The following TENM2 variants were observed in gnomAD, a reference collection of about 807,000 sequenced individuals.
TENM2 encodes teneurin-2.
Under a neutral mutation model 245.2 loss-of-function variants are expected in TENM2, and 52 were observed. The observed-to-expected ratio is 0.21, with a 90% CI of 0.17 to 0.27. The LOEUF is 0.27. TENM2 is among the 10% of genes least tolerant of loss of function. The probability of loss-of-function intolerance (pLI) is 1.00; values close to 1 mark genes in which losing one functional copy is unlikely to be tolerated. For missense variants in TENM2, 3,046 were observed against 3,666.8 expected, an observed-to-expected ratio of 0.83 and a Z score of 4.37; for synonymous variants, 1,363 against 1,438.9, an observed-to-expected ratio of 0.95 and a Z score of 1.19.
chr5:168,128,405 A>G (rs1796006993), intron 12 of TENM2, among the ~76,000 whole-genome samples: 1 of 152,160 alleles, frequency 6.6e-6, no homozygotes. Context: ...ATTTACATGA[A>G]GATTCCCCTC....
chr5:168,156,266 A>AAAAAAAC (rs1554210115), intron 12 of TENM2, among the ~76,000 whole-genome samples: 20 of 148,468 alleles, frequency 1.3e-4, no homozygotes, highest in African/African-American at 4.7e-4. Flanking sequence ...AAAAAAAAAA[A>AAAAAAAC]CACTTTTTTT....
chr5:168,239,929 A>C (rs1765934690), intron 25 of TENM2, among the ~76,000 whole-genome samples: 1 of 152,068 alleles, frequency 6.6e-6, no homozygotes. Context: ...AAAAATCAAA[A>C]ATCCACAGCT....
intron 4 of TENM2, among the ~76,000 whole-genome samples, chr5:167,962,399 A>G (rs1428659029): frequency 3.3e-5 from 5 of 152,222 alleles, no homozygotes; most frequent in Non-Finnish European, 7.3e-5. Flanking sequence ...AATCCAGCAC[A>G]AGGTGCAAAA....
intron 2 of TENM2, among the ~76,000 whole-genome samples, chr5:167,406,291 T>G (rs2127395127): frequency 6.6e-6 from 1 of 152,320 alleles, no homozygotes; most frequent in African/African-American, 2.4e-5. Flanking sequence ...CAGCTGCTGC[T>G]TCTTTACAGC....
At chr5:167,718,302 A>G (rs918678488) in intron 2 of TENM2, among the ~76,000 whole-genome samples, 4 of 152,118 alleles carry the variant, frequency 2.6e-5, no homozygotes, top group African/African-American at 9.7e-5. Flanking sequence ...TGGTGTAGAA[A>G]GGATGTGCTG....
At chr5:166,989,686 C>T in the TENM2 span, among the ~76,000 whole-genome samples, 1 of 151,582 alleles carries the variant, frequency 6.6e-6, no homozygotes, top group African/African-American at 2.4e-5. Flanking sequence ...GCCACTGCAC[C>T]TGGCCTACCC....
At chr5:167,483,436 G>T (rs1215993259) in intron 2 of TENM2, among the ~76,000 whole-genome samples, 3 of 152,206 alleles carry the variant, frequency 2.0e-5, no homozygotes, top group Non-Finnish European at 2.9e-5. Flanking sequence ...GTGGGTATGT[G>T]TGTGTGCACA....
chr5:168,057,986 G>A (rs926556845), intron 6 of TENM2, among the ~76,000 whole-genome samples: 1 of 152,124 alleles, frequency 6.6e-6, no homozygotes, highest in Non-Finnish European at 1.5e-5. Context: ...TGGATGTACA[G>A]CATCAGCAGG....
At chr5:167,387,454 T>A (rs1462754594) in intron 2 of TENM2, among the ~76,000 whole-genome samples, 2 of 152,156 alleles carry the variant, frequency 1.3e-5, no homozygotes, top group African/African-American at 2.4e-5. Context: ...AACAATCATA[T>A]CATCAGCAAA....
intron 7 of TENM2, among the ~76,000 whole-genome samples, chr5:168,076,807 A>T (rs1278928078): frequency 2.0e-5 from 3 of 152,196 alleles, no homozygotes; most frequent in Non-Finnish European, 4.4e-5. Flanking sequence ...GTGAAACCAG[A>T]TGTTGGCTGG....
chr5:167,389,654 G>C (rs1761644360), intron 2 of TENM2, among the ~76,000 whole-genome samples: 2 of 152,078 alleles, frequency 1.3e-5, no homozygotes, highest in Non-Finnish European at 2.9e-5. Flanking sequence ...ATCCCTGACT[G>C]TTTTCTTAAG....
intron 12 of TENM2, among the ~76,000 whole-genome samples, chr5:168,154,445 G>A (rs1109602): frequency 0.014 from 2,077 of 152,152 alleles, 55 homozygotes; most frequent in African/African-American, 0.047. Context: ...GGTTGGTCTC[G>A]AACTCCTGAC....
the TENM2 span, among the ~76,000 whole-genome samples, chr5:167,113,001 A>AATCCTCAT: frequency 1.9e-4 from 29 of 152,308 alleles, no homozygotes; most frequent in South Asian, 2.3e-3. Flanking sequence ...TATGCTTTTA[A>AATCCTCAT]ATCCTCATAC....
chr5:167,865,306 T>A (rs560967980), intron 2 of TENM2, among the ~76,000 whole-genome samples: 1 of 152,196 alleles, frequency 6.6e-6, no homozygotes, highest in Admixed American at 6.5e-5. Context: ...TTTTGTAGAG[T>A]GTTGCTCTGC....
intron 2 of TENM2, among the ~76,000 whole-genome samples, chr5:167,845,058 C>A (rs1043679631): frequency 2.0e-5 from 3 of 152,132 alleles, no homozygotes; most frequent in Non-Finnish European, 4.4e-5. Flanking sequence ...GCCAAGGAGA[C>A]CCATCCAGAA....
the TENM2 span, among the ~76,000 whole-genome samples, chr5:167,056,570 T>A: frequency 6.9e-6 from 1 of 145,224 alleles, no homozygotes; most frequent in Admixed American, 6.9e-5. Flanking sequence ...TATATAAATA[T>A]GTATCTATAT....
At chr5:167,444,925 A>C (rs537777535) in intron 2 of TENM2, among the ~76,000 whole-genome samples, 1 of 152,150 alleles carries the variant, frequency 6.6e-6, no homozygotes, top group East Asian at 1.9e-4. Context: ...TTACACATCA[A>C]AGTGATCACA....
chr5:167,772,801 TAACCTCCTTG>T (rs1472021721), intron 2 of TENM2, among the ~76,000 whole-genome samples: 1 of 152,226 alleles, frequency 6.6e-6, no homozygotes, highest in Non-Finnish European at 1.5e-5. Context: ...TCCATATGTT[TAACCTCCTTG>T]AAACTACTGA....
At chr5:167,998,307 T>A (rs1432135906) in intron 5 of TENM2, among the ~76,000 whole-genome samples, 1 of 152,218 alleles carries the variant, frequency 6.6e-6, no homozygotes, top group Non-Finnish European at 1.5e-5. Flanking sequence ...CAGATTGTAA[T>A]GATGCTGTGT....
Sources: allele counts gnomAD v4.1 joint callset (sites outside exome capture counted in the v4.1 genomes callset), GRCh38; gene constraint gnomAD v4.1.1; transcripts MANE v1.5; gene names NCBI Gene and HGNC (gene_info 2026-07-23, HGNC 2026-07-21).